The following ITSN1 variants were observed in gnomAD, a reference collection of about 807,000 sequenced individuals.
The protein encoded by ITSN1 is intersectin-1.
ITSN1 carries 58 observed loss-of-function variants against 239.8 expected under a neutral mutation model. That is an observed-to-expected ratio of 0.24 (90% CI 0.20 to 0.30). The LOEUF (loss-of-function observed/expected upper bound fraction) is 0.30, where lower values mean the gene tolerates loss of function less well. Among genes scored for constraint, ITSN1 ranks in the 10% least tolerant of loss-of-function variants. The probability of loss-of-function intolerance (pLI) is 1.00; values close to 1 mark genes in which losing one functional copy is unlikely to be tolerated. For missense variants in ITSN1, 1,558 were observed against 2,103.3 expected, an observed-to-expected ratio of 0.74 and a Z score of 5.07; for synonymous variants, 780 against 770.8, an observed-to-expected ratio of 1.01 and a Z score of -0.20.
intron 4 of ITSN1, among the ~76,000 whole-genome samples, chr21:33,732,988 A>G (rs1016894508): frequency 7.9e-5 from 12 of 152,210 alleles, no homozygotes; most frequent in African/African-American, 2.9e-4. Context: ...TGCAAAAGCA[A>G]TTGTGGTTTA....
intron 1 of ITSN1, among the ~76,000 whole-genome samples, chr21:33,650,510 A>G (rs2088418865): frequency 6.6e-6 from 1 of 152,248 alleles, no homozygotes; most frequent in East Asian, 1.9e-4. Context: ...GTGTAAACAC[A>G]TATATCATTC....
chr21:33,868,002 T>C (rs1303615996), intron 33 of ITSN1, among the ~76,000 whole-genome samples: 1 of 151,764 alleles, frequency 6.6e-6, no homozygotes, highest in African/African-American at 2.4e-5. Context: ...ACCCAAAGAG[T>C]GAGCAGCAGC....
chr21:33,770,042 A>G (rs1389329432), intron 11 of ITSN1, among the ~76,000 whole-genome samples: 1 of 147,818 alleles, frequency 6.8e-6, no homozygotes, highest in East Asian at 2.0e-4. Flanking sequence ...TAAGGGCCCC[A>G]CTCTCAACGG....
chr21:33,776,385 C>CT (rs1406526552), intron 14 of ITSN1, among the ~76,000 whole-genome samples: 2 of 100,392 alleles, frequency 2.0e-5, no homozygotes, highest in African/African-American at 3.7e-5. Context: ...GACCCCATCT[C>CT]TAAAAAAAAA....
chr21:33,652,992 A>C (rs2088679097), intron 1 of ITSN1, among the ~76,000 whole-genome samples: 1 of 151,402 alleles, frequency 6.6e-6, no homozygotes, highest in South Asian at 2.1e-4. Flanking sequence ...TGTGACTGGG[A>C]AGTTCTTTTT....
intron 4 of ITSN1, 77 bp downstream of exon 4, chr21:33,722,728 T>C (rs1018774028): frequency 2.9e-5 from 39 of 1,336,844 alleles, no homozygotes; most frequent in South Asian, 1.6e-4. Flanking sequence ...TTTGGTAATA[T>C]GATTTCTTAT....
intron 28 of ITSN1, among the ~76,000 whole-genome samples, chr21:33,835,921 G>A (rs28452824): frequency 6.6e-6 from 1 of 152,130 alleles, no homozygotes; most frequent in African/African-American, 2.4e-5. Context: ...ACAGAGCGAG[G>A]CTCTGTCTCA....
chr21:33,681,321 C>A (rs531674537), intron 1 of ITSN1, among the ~76,000 whole-genome samples: 1 of 152,144 alleles, frequency 6.6e-6, no homozygotes, highest in Non-Finnish European at 1.5e-5. Context: ...TTCATGAGAA[C>A]GAGAATTAAC....
At chr21:33,660,173 T>G (rs1210130409) in intron 1 of ITSN1, among the ~76,000 whole-genome samples, 1 of 152,224 alleles carries the variant, frequency 6.6e-6, no homozygotes, top group Non-Finnish European at 1.5e-5. Context: ...GCTTCCTGAC[T>G]CGTCTGGCTT....
Position 33,782,633 on chromosome 21 carries a change from G to C in ITSN1, c.1824+500G>C, listed in dbSNP as rs117734949. 2.2e-3 allele frequency among the ~76,000 whole-genome samples: 341 copies of C among 152,286 alleles called. 1 individual carries two copies. The highest frequency in any genetic ancestry group is 6.8e-3 in the Middle Eastern group (2 of 294). On this transcript the variant is annotated intron_variant, in intron 16 of 39. Coordinates refer to ENST00000381318, the MANE Select transcript of ITSN1 (RefSeq NM_003024.3). Reference sequence around the variant, plus strand: ...TGTCACATTTGCACAGTAAAATTGGGAAAATGCCAAAACTCTGAGGAAATG... The same window carrying C: ...TGTCACATTTGCACAGTAAAATTGGCAAAATGCCAAAACTCTGAGGAAATG...
In ITSN1 at chr21:33,735,032, G is replaced by C. The variant is rs1240728373; in HGVS notation, c.186-12G>C. On this transcript the variant is annotated splice_polypyrimidine_tract_variant and intron_variant, in intron 4 of 39. Coordinates refer to ENST00000381318, the MANE Select transcript of ITSN1 (RefSeq NM_003024.3). ...GTCACAGTTGTTCTCAGGCCATGCT[G>C]TTGGTTTGCAGGGCACTAGCTGACA... 1 of 1,603,134 alleles carries C rather than the reference G, an allele frequency of 6.2e-7. No individual in the cohort carries two copies. The highest frequency in any genetic ancestry group is 8.5e-7 in the Non-Finnish European group (1 of 1,175,352).
rs1602294070 is a variant in ITSN1, at chr21:33,797,742, A to G, written c.2182+134A>G. ...AGAACGTCAGTCTCTTATTTTGAGCATGGCCAGCTCTTCTTTCCCCAGGGT... is the reference window on the plus strand; with the variant it reads ...AGAACGTCAGTCTCTTATTTTGAGCGTGGCCAGCTCTTCTTTCCCCAGGGT... On this transcript the variant is annotated intron_variant, in intron 18 of 39. Transcript: ENST00000381318. The surrounding 1 kb of genome is among the most constrained non-coding windows in gnomAD (Gnocchi z 4.9). 2 of 680,786 alleles carry G rather than the reference A, an allele frequency of 2.9e-6. No homozygotes were observed. The highest frequency in any genetic ancestry group is 2.7e-5 in the East Asian group (1 of 36,766). 42.2% of individuals were successfully genotyped at this position (680,786 alleles called of 1,614,324 possible).
intron 29 of ITSN1, among the ~76,000 whole-genome samples, chr21:33,845,957 G>A (rs1460233882): frequency 6.6e-6 from 1 of 152,158 alleles, no homozygotes; most frequent in Non-Finnish European, 1.5e-5. Context: ...AGGAAGGGAT[G>A]GGGGTGCAGG....
At chr21:33,876,773 G>T (rs933951173) in intron 34 of ITSN1, among the ~76,000 whole-genome samples, 1 of 152,138 alleles carries the variant, frequency 6.6e-6, no homozygotes, top group African/African-American at 2.4e-5. Flanking sequence ...GTTCACACTT[G>T]AGGTGGGAGG....
intron 19 of ITSN1, among the ~76,000 whole-genome samples, chr21:33,801,667 T>C (rs1307684059): frequency 7.2e-5 from 11 of 152,182 alleles, no homozygotes; most frequent in Admixed American, 6.5e-4. Context: ...TCTCCCTATG[T>C]TGCCCAGGCT....
chr21:33,776,215 G>A (rs533413155), intron 14 of ITSN1, among the ~76,000 whole-genome samples: 2 of 152,074 alleles, frequency 1.3e-5, no homozygotes, highest in East Asian at 1.9e-4. Context: ...TAAACTTTTA[G>A]GAATGGAACT....
intron 33 of ITSN1, among the ~76,000 whole-genome samples, chr21:33,870,692 A>G (rs183758859): frequency 9.7e-4 from 148 of 152,312 alleles, no homozygotes; most frequent in African/African-American, 3.3e-3. Flanking sequence ...TTGGAAGACC[A>G]AGACGGGTAG....
At position 33,799,921 on chromosome 21, in the gene ITSN1, A is replaced by G; in HGVS notation, c.2296A>G (p.Ile766Val). Reference sequence around the variant, plus strand: ...TGAAATCACTATCCAGCCAGGAGACATAGTCATGGTAAGAAAGACTCCAGT... The same window carrying G: ...TGAAATCACTATCCAGCCAGGAGACGTAGTCATGGTAAGAAAGACTCCAGT... ...HDEITIQPGD[I>V]VMVKGEWVDE... Residue 766 changes from isoleucine (I) to valine (V), a missense_variant, in exon 19 of 40, where the codon ATA becomes GTA. Around this residue, in one of 2 missense-constraint regions of ITSN1, gnomAD observed 982 missense variants for 1,209.9 expected, o/e 0.81. Coordinates refer to ENST00000381318, the MANE Select transcript of ITSN1 (RefSeq NM_003024.3). 5 of 1,613,710 alleles carry G rather than the reference A, an allele frequency of 3.1e-6. No homozygotes were observed. The highest frequency in any genetic ancestry group is 4.2e-6 in the Non-Finnish European group (5 of 1,179,822).
chr21:33,745,905 C>A (rs2067152109), intron 5 of ITSN1, among the ~76,000 whole-genome samples: 1 of 152,118 alleles, frequency 6.6e-6, no homozygotes, highest in African/African-American at 2.4e-5. Context: ...AGAGAATATG[C>A]AGAAAGGCCC....
Sources: allele counts gnomAD v4.1 joint callset (sites outside exome capture counted in the v4.1 genomes callset), GRCh38; gene constraint gnomAD v4.1.1; regional missense constraint gnomAD v4.1.1; non-coding constraint Gnocchi (gnomAD v3.1); transcripts MANE v1.5; gene names NCBI Gene and HGNC (gene_info 2026-07-23, HGNC 2026-07-21).